Variants in SMAD9 observed in about 807,000 individuals in gnomAD.
The protein encoded by SMAD9 is MAD homolog 9.
SMAD9 carries 36 observed loss-of-function variants against 46.1 expected under a neutral mutation model. The observed-to-expected ratio is 0.78, with a 90% CI of 0.60 to 1.03. SMAD9 has a LOEUF of 1.03. Ranked by LOEUF, SMAD9 falls within the 50% of genes least tolerant of loss-of-function variation. The pLI, the probability that SMAD9 is intolerant of heterozygous loss-of-function variation, is 0.00. For missense variants in SMAD9, 572 were observed against 599.8 expected (o/e 0.95, Z 0.48); for synonymous variants, 245 against 237.1 (o/e 1.03, Z -0.31).
At chr13:36,848,911 AC>A in intron 6 of SMAD9, 92 bp from the exon 7 acceptor site, 1 of 1,266,250 alleles carries the variant, frequency 7.9e-7, no homozygotes, top group Middle Eastern at 2.7e-4. Flanking sequence ...CAGAGCCCAC[AC>A]CCCAGCGTAG....
chr13:36,900,730 A>C (rs944584259), intron 1 of SMAD9, among the ~76,000 whole-genome samples: 32 of 129,126 alleles, frequency 2.5e-4, no homozygotes, highest in Non-Finnish European at 5.0e-4. Context: ...CACACACATA[A>C]ATGTAAATTA....
intron 2 of SMAD9, 142 bp from the exon 3 acceptor site, chr13:36,873,057 T>C: frequency 1.1e-6 from 1 of 932,696 alleles, no homozygotes; most frequent in Non-Finnish European, 1.7e-6. Flanking sequence ...TTAGTCTTTG[T>C]GCTCATCATA....
chr13:36,845,530 T>A lies in SMAD9; in HGVS notation c.*3146A>T, dbSNP rs1380465482. On this transcript the variant is annotated 3_prime_UTR_variant, in exon 7 of 7. Coordinates refer to ENST00000379826, the MANE Select transcript of SMAD9 (RefSeq NM_001127217.3). ...TACTACAGTGTTCTCTATTGTGTGATCCTTGTCCGTGGCAACCTTAAACGT... is the reference window on the plus strand; with the variant it reads ...TACTACAGTGTTCTCTATTGTGTGAACCTTGTCCGTGGCAACCTTAAACGT... 6.6e-6 allele frequency: 1 copy of A among 152,260 alleles called. No homozygotes were observed. Among genetic ancestry groups the A allele is most frequent in the Non-Finnish European group, 1.5e-5 (1 of 68,048 alleles). 9.4% of individuals were successfully genotyped at this position (152,260 alleles called of 1,614,324 possible).
At chr13:36,885,443 G>A (rs1050253926) in intron 1 of SMAD9, among the ~76,000 whole-genome samples, 1 of 151,916 alleles carries the variant, frequency 6.6e-6, no homozygotes, top group Non-Finnish European at 1.5e-5. Context: ...AAGTAGCCTG[G>A]CATTCCCATA....
intron 1 of SMAD9, among the ~76,000 whole-genome samples, chr13:36,909,582 G>A (rs999765417): frequency 6.6e-6 from 1 of 152,138 alleles, no homozygotes; most frequent in African/African-American, 2.4e-5. Context: ...AAGTTTGGAA[G>A]GGCCCACAAT....
chr13:36,848,583 G>A lies in SMAD9; in HGVS notation c.*93C>T. The A allele has an allele frequency of 3.3e-6, 4 of 1,201,540 alleles. No individual in the cohort carries two copies. Among genetic ancestry groups the A allele is most frequent in the Non-Finnish European group, 5.0e-6 (4 of 804,928 alleles). The allele number at this position is 1,201,540 out of a possible 1,614,324, so 74.4% of individuals were successfully genotyped here. A position where few individuals can be genotyped will look rare whatever the true frequency, so the allele number is the denominator to read the frequency against. On this transcript the variant is annotated 3_prime_UTR_variant, in exon 7 of 7. Coordinates refer to ENST00000379826, the MANE Select transcript of SMAD9 (RefSeq NM_001127217.3). ...GTATACATTCTATGTATTTACACAT[G>A]TTTTTAGAAACTTCAGTTGCAAATC...
chr13:36,865,459 G>T, intron 5 of SMAD9, 78 bp downstream of exon 5: 1 of 1,163,142 alleles, frequency 8.6e-7, no homozygotes, highest in Non-Finnish European at 1.3e-6. Flanking sequence ...ACATGTGAGG[G>T]TGGTCACGTG....
chr13:36,884,472 T>C (rs1424981167), intron 1 of SMAD9, among the ~76,000 whole-genome samples: 3 of 152,192 alleles, frequency 2.0e-5, no homozygotes, highest in Non-Finnish European at 4.4e-5. Flanking sequence ...TTTTCTGGCA[T>C]TGAGTTTTAC....
In SMAD9 at chr13:36,914,781, C is replaced by G. The variant is rs993602724; in HGVS notation, c.-187+5335G>C. 2.2e-4 allele frequency among the ~76,000 whole-genome samples: 33 copies of G among 152,134 alleles called. 1 individual carries two copies. Among genetic ancestry groups the G allele is most frequent in the Admixed American group, 2.2e-3 (33 of 15,276 alleles). ...CTACCAAGTCAGTTAAATTTAGATA[C>G]AAGAATTCAGAAAGCAACTCCTGGC... On this transcript the variant is annotated intron_variant, in intron 1 of 6. Transcript: ENST00000379826.
intron 6 of SMAD9, chr13:36,852,047 GTTAT>G (rs1462773809): frequency 1.0e-6 from 1 of 971,078 alleles, no homozygotes; most frequent in Non-Finnish European, 1.2e-6. Flanking sequence ...AGATTTCGAA[GTTAT>G]TTGTTAATAT....
At chr13:36,908,186 T>C (rs1013436664) in intron 1 of SMAD9, among the ~76,000 whole-genome samples, 3 of 152,200 alleles carry the variant, frequency 2.0e-5, no homozygotes, top group African/African-American at 7.2e-5. Context: ...GAACAATCTC[T>C]AGAGAAACCT....
intron 6 of SMAD9, chr13:36,852,505 C>A (rs1228697981): frequency 1.0e-6 from 1 of 984,768 alleles, no homozygotes; most frequent in Non-Finnish European, 1.2e-6. Context: ...GGTTCTCCAG[C>A]CTTCATAGCA....
In SMAD9 at chr13:36,893,441, AAT is replaced by A. The variant is rs904598444; in HGVS notation, c.-186-13568_-186-13567del. ...AGATATATATATAAATATAAATATA[AAT>A]ATATATATATATACACATAAAGAAA... is the stretch of plus-strand genomic sequence containing the variant. On this transcript the variant is annotated intron_variant, in intron 1 of 6. Transcript: ENST00000379826. 7.6e-3 allele frequency among the ~76,000 whole-genome samples: 1,084 copies of A among 142,100 alleles called. 4 individuals are homozygous for A. Among genetic ancestry groups the A allele is most frequent in the African/African-American group, 8.3e-3 (310 of 37,170 alleles). The allele number at this position is 142,100 out of a possible 152,430, so 93.2% of individuals were successfully genotyped here. A position where few individuals can be genotyped will look rare whatever the true frequency, so the allele number is the denominator to read the frequency against.
rs767558975 is a variant in SMAD9, at chr13:36,879,469, G to A, written c.221C>T (p.Ser74Phe). Residue 74 changes from serine (S) to phenylalanine (F), a missense_variant, in exon 2 of 7, where the codon TCC (serine) becomes TTC (phenylalanine). Coordinates refer to ENST00000379826, the MANE Select transcript of SMAD9 (RefSeq NM_001127217.3). The part of the protein sequence containing the change: ...QPSKCVTIPR[S>F]LDGRLQVSHR... ...GGACACCTGCAGCCGCCCGTCCAGG[G>A]AGCGGGGAATCGTGACGCATTTGCT... The A allele has an allele frequency of 6.2e-7, 1 of 1,613,824 alleles. No individual in the cohort carries two copies. The highest frequency in any genetic ancestry group is 1.7e-5 in the Admixed American group (1 of 60,030).
intron 5 of SMAD9, among the ~76,000 whole-genome samples, chr13:36,863,848 C>CT (rs1241022746): frequency 2.0e-5 from 3 of 152,150 alleles, no homozygotes; most frequent in South Asian, 2.1e-4. Flanking sequence ...AAATAAACCT[C>CT]TTTTTTTAAT....
intron 1 of SMAD9, among the ~76,000 whole-genome samples, chr13:36,882,272 G>A (rs1404843764): frequency 6.7e-6 from 1 of 149,344 alleles, no homozygotes; most frequent in Non-Finnish European, 1.5e-5. Flanking sequence ...TGTGTGTGCG[G>A]TGTATGTGTC....
intron 1 of SMAD9, among the ~76,000 whole-genome samples, chr13:36,889,676 T>C (rs1006351522): frequency 6.6e-6 from 1 of 152,216 alleles, no homozygotes; most frequent in East Asian, 1.9e-4. Context: ...TTTGTAACTC[T>C]TAATGTGTTT....
At chr13:36,874,878 A>AAAAC (rs2058331476) in intron 2 of SMAD9, among the ~76,000 whole-genome samples, 1 of 129,002 alleles carries the variant, frequency 7.8e-6, no homozygotes, top group African/African-American at 2.7e-5. Context: ...AAAAAAAAAA[A>AAAAC]ATACATATAT....
intron 6 of SMAD9, among the ~76,000 whole-genome samples, chr13:36,853,102 T>G (rs184380608): frequency 6.6e-6 from 1 of 152,242 alleles, no homozygotes; most frequent in East Asian, 1.9e-4. Context: ...CTGGCCAATA[T>G]GGTGAAACCC....
Sources: allele counts gnomAD v4.1 joint callset (sites outside exome capture counted in the v4.1 genomes callset), GRCh38; gene constraint gnomAD v4.1.1; transcripts MANE v1.5; gene names NCBI Gene and HGNC (gene_info 2026-07-23, HGNC 2026-07-21).